Variants in MYLK3 observed in about 807,000 individuals in gnomAD.
MYLK3 encodes the protein MLC kinase.
In MYLK3, 55 loss-of-function variants were observed where a neutral mutation model predicts 76.3. The observed-to-expected ratio is 0.72, with a 90% CI of 0.58 to 0.90. MYLK3 has a LOEUF of 0.90. Ranked by LOEUF, MYLK3 falls within the 40% of genes least tolerant of loss-of-function variation. The pLI is 0.00. For synonymous variants in MYLK3, 416 were observed against 425.4 expected, an observed-to-expected ratio of 0.98 and a Z score of 0.27; for missense variants, 973 against 1,053.6, an observed-to-expected ratio of 0.92 and a Z score of 1.06.
chr16:46,746,914 C>T (rs920332438), intron 1 of MYLK3, among the ~76,000 whole-genome samples: 1 of 152,256 alleles, frequency 6.6e-6, no homozygotes. Context: ...TGCTCCTGTC[C>T]TCGGCAGGCA....
At chr16:46,751,198 G>A (rs1049432698), upstream of MYLK3, among the ~76,000 whole-genome samples, 7 of 151,862 alleles carry the variant, frequency 4.6e-5, no homozygotes, top group Non-Finnish European at 8.8e-5. Context: ...ATCACTTGAG[G>A]CCAGGAGTTT....
rs375234190 is a variant in MYLK3, at chr16:46,738,127, G to C, written c.585C>G (p.Asp195Glu). The C allele has an allele frequency of 2.1e-5, 33 of 1,545,102 alleles. No individual in the cohort carries two copies. The highest frequency in any genetic ancestry group is 2.9e-5 in the Non-Finnish European group (33 of 1,147,392). ...GCCTCTCCGCTGTCCCCTCCAGCAC[G>C]TCCGCCTTCTGGCTCTCTACAGGAA... ...REPGEESQKA[D>E]VLEGTAERLP... The change falls in exon 3 of 13, where the codon GAC (aspartate) becomes GAG (glutamate). Residue 195 changes from aspartate to glutamate, a missense_variant. Around this residue, in one of 2 missense-constraint regions of MYLK3, gnomAD observed 641 missense variants for 637.0 expected, o/e 1.01. Transcript: ENST00000394809.
intron 1 of MYLK3, among the ~76,000 whole-genome samples, chr16:46,741,243 C>T (rs1406405543): frequency 6.6e-6 from 1 of 152,204 alleles, no homozygotes; most frequent in Non-Finnish European, 1.5e-5. Flanking sequence ...ATAGTGGGTG[C>T]TCAATAGCTC....
upstream of MYLK3, among the ~76,000 whole-genome samples, chr16:46,749,187 C>A (rs764595061): frequency 2.8e-4 from 43 of 152,344 alleles, no homozygotes; most frequent in Middle Eastern, 0.01. Context: ...AGCAGAGATG[C>A]TAAGGTTACC....
At position 46,745,295 on chromosome 16, in the gene MYLK3, C is replaced by T. The variant is rs565558848; in HGVS notation, c.477+2422G>A. Among the ~76,000 whole-genome samples the T allele has an allele frequency of 4.9e-4, 75 of 152,238 alleles. No homozygotes were observed. The Middle Eastern group carries it at 0.014, about 28-fold the overall frequency. ...AAAAATAAGAAACAACAGAAACAAA[C>T]GAGGATCTGGGCTGGTTAACAACTG... On this transcript the variant is annotated intron_variant, in intron 1 of 12. Coordinates refer to ENST00000394809, the MANE Select transcript of MYLK3 (RefSeq NM_182493.3).
chr16:46,738,337 AAGG>A (rs759251831), intron 2 of MYLK3, among the ~76,000 whole-genome samples, 194 bp from the exon 3 acceptor site: 2 of 152,246 alleles, frequency 1.3e-5, no homozygotes, highest in Non-Finnish European at 2.9e-5. Context: ...AGCCGTGAAA[AAGG>A]AGAAATTAAT....
upstream of MYLK3, among the ~76,000 whole-genome samples, chr16:46,753,314 C>T (rs1272704826): frequency 1.4e-4 from 22 of 152,176 alleles, no homozygotes; most frequent in Admixed American, 1.4e-3. Context: ...CCAGGCCCAC[C>T]CTCCCTAGAG....
chr16:46,732,007 G>C (rs1446683498), intron 4 of MYLK3, among the ~76,000 whole-genome samples: 4 of 152,160 alleles, frequency 2.6e-5, no homozygotes, highest in Non-Finnish European at 5.9e-5. Context: ...CCTTACCCCT[G>C]CAGCCAGCCC....
At chr16:46,736,013 T>C (rs1326241268) in intron 3 of MYLK3, among the ~76,000 whole-genome samples, 2 of 152,084 alleles carry the variant, frequency 1.3e-5, no homozygotes, top group Non-Finnish European at 2.9e-5. Context: ...TTTGTTGTTG[T>C]TGTTGTTTGT....
At chr16:46,759,034 A>G (rs138107492) in intron 1 of MYLK3, among the ~76,000 whole-genome samples, 200 of 152,364 alleles carry the variant, frequency 1.3e-3, no homozygotes, top group Middle Eastern at 0.01. Flanking sequence ...TGAGCTTGGG[A>G]GTAAAACCAA....
At chr16:46,732,730 G>A (rs1365542919) in intron 3 of MYLK3, 62 bp from the exon 4 acceptor site, 15 of 1,333,768 alleles carry the variant, frequency 1.1e-5, no homozygotes, top group East Asian at 2.5e-5. Flanking sequence ...CAGAACAGAC[G>A]TGGGTTCCAA....
intron 11 of MYLK3, 96 bp downstream of exon 11, chr16:46,710,541 C>G (rs755722026): frequency 9.4e-6 from 13 of 1,381,350 alleles, no homozygotes; most frequent in Non-Finnish European, 1.1e-5. Flanking sequence ...AATTTGTCCA[C>G]AGGAAGAAGG....
chr16:46,731,822 G>A (rs552125910), intron 4 of MYLK3, among the ~76,000 whole-genome samples: 7 of 152,234 alleles, frequency 4.6e-5, no homozygotes, highest in African/African-American at 1.4e-4. Flanking sequence ...CAGGCACAGC[G>A]GCTTATGCCT....
rs1393570860 is a variant in MYLK3 at position 46,729,465 on chromosome 16, G to C, written c.1662+129C>G. On this transcript the variant is annotated intron_variant, in intron 6 of 12. Coordinates refer to ENST00000394809, the MANE Select transcript of MYLK3 (RefSeq NM_182493.3). ...CTGTGAAGGGGACTGCCTGACTGGA[G>C]GGTGGGAATTCTGGAAAAGAGCAGG... 6 of 848,354 alleles carry C rather than the reference G, an allele frequency of 7.1e-6. No individual in the cohort carries two copies. In the Admixed American group the frequency reaches 1.0e-4, roughly 15 times the overall value. The allele number at this position is 848,354 out of a possible 1,614,324, so 52.6% of individuals were successfully genotyped here.
chr16:46,747,657 C>A (rs1362849835), intron 1 of MYLK3, 60 bp downstream of exon 1: 2 of 1,516,698 alleles, frequency 1.3e-6, no homozygotes, highest in Non-Finnish European at 1.8e-6. Context: ...GGCTGCCTGG[C>A]CAGTCTCCCA....
At chr16:46,730,751 C>G in intron 4 of MYLK3, 53 bp from the exon 5 acceptor site, 1 of 1,534,684 alleles carries the variant, frequency 6.5e-7, no homozygotes, top group South Asian at 1.1e-5. Context: ...GCCCACACCT[C>G]TCGGTCACCT....
At chr16:46,756,771 C>G (rs778423554) in intron 1 of MYLK3, among the ~76,000 whole-genome samples, 6 of 152,110 alleles carry the variant, frequency 3.9e-5, no homozygotes, top group Non-Finnish European at 8.8e-5. Flanking sequence ...CACTGGGGGC[C>G]CATTAACTGC....
intron 9 of MYLK3, among the ~76,000 whole-genome samples, chr16:46,717,510 C>G (rs1244523731): frequency 6.6e-6 from 1 of 151,670 alleles, no homozygotes; most frequent in Admixed American, 6.6e-5. Flanking sequence ...CCATTAGTGC[C>G]CTCATCTTCC....
At position 46,702,496 on chromosome 16, in the gene MYLK3, T is replaced by TGG. The variant is rs1422740318; in HGVS notation, c.*5207_*5208insCC. Among the ~76,000 whole-genome samples, 1 of 152,192 alleles carries TGG rather than the reference T, an allele frequency of 6.6e-6. No individual in the cohort carries two copies. Among genetic ancestry groups the TGG allele is most frequent in the Non-Finnish European group, 1.5e-5 (1 of 68,028 alleles). On this transcript the variant is annotated 3_prime_UTR_variant, in exon 13 of 13. Coordinates refer to ENST00000394809, the MANE Select transcript of MYLK3 (RefSeq NM_182493.3). The stretch of plus-strand genomic sequence containing the variant: ...ATTGCCAATATCACACCTCACAAAA[T>TGG]TAATAGTAACTATCATCAAATGTGA...
Sources: allele counts gnomAD v4.1 joint callset (sites outside exome capture counted in the v4.1 genomes callset), GRCh38; gene constraint gnomAD v4.1.1; regional missense constraint gnomAD v4.1.1; transcripts MANE v1.5; gene names NCBI Gene and HGNC (gene_info 2026-07-23, HGNC 2026-07-21).